Variants in SLC9B1 observed in about 807,000 individuals in gnomAD.
SLC9B1 encodes solute carrier family 9 member B1, also known as sodium/hydrogen exchanger 9B1.
SLC9B1 carries 32 observed loss-of-function variants against 51.7 expected under a neutral mutation model. The observed-to-expected ratio is 0.62, with a 90% CI of 0.47 to 0.83. The LOEUF is 0.83. SLC9B1 is among the 40% of genes least tolerant of loss of function. The pLI is 0.00. For missense variants in SLC9B1, 406 were observed against 613.2 expected (o/e 0.66, Z 3.57); for synonymous variants, 145 against 212.7 (o/e 0.68, Z 2.77).
intron 5 of SLC9B1, among the ~76,000 whole-genome samples, chr4:102,945,920 A>G (rs1349839179): frequency 4.6e-5 from 7 of 152,114 alleles, no homozygotes; most frequent in Admixed American, 4.6e-4. Flanking sequence ...GGGATTTATG[A>G]TCCCTAGAAT....
At chr4:102,945,921 T>C (rs1240864276) in intron 5 of SLC9B1, among the ~76,000 whole-genome samples, 2 of 152,074 alleles carry the variant, frequency 1.3e-5, no homozygotes, top group East Asian at 1.9e-4. Flanking sequence ...GGATTTATGA[T>C]CCCTAGAATG....
chr4:103,005,333 A>C (rs1158499793), intron 1 of SLC9B1, among the ~76,000 whole-genome samples: 2 of 152,198 alleles, frequency 1.3e-5, no homozygotes, highest in African/African-American at 4.8e-5. Context: ...CTTTAAACAA[A>C]CAGTGATGAA....
intron 1 of SLC9B1, among the ~76,000 whole-genome samples, chr4:102,992,462 A>G (rs992913731): frequency 6.6e-6 from 1 of 152,178 alleles, no homozygotes; most frequent in African/African-American, 2.4e-5. Flanking sequence ...TGCTTCAAGT[A>G]TCTATACTTT....
intron 9 of SLC9B1, among the ~76,000 whole-genome samples, chr4:102,908,858 A>G (rs1354525972): frequency 2.6e-5 from 4 of 152,192 alleles, no homozygotes; most frequent in Non-Finnish European, 5.9e-5. Flanking sequence ...TAAATTAGAA[A>G]CAAAAAAATA....
At chr4:102,886,399 G>A (rs1733918217) in intron 11 of SLC9B1, among the ~76,000 whole-genome samples, 1 of 151,830 alleles carries the variant, frequency 6.6e-6, no homozygotes. Context: ...GCTGAGGCAG[G>A]AAAATCACTT....
intron 3 of SLC9B1, among the ~76,000 whole-genome samples, chr4:102,951,411 T>C (rs1235854843): frequency 6.6e-6 from 1 of 152,120 alleles, no homozygotes; most frequent in Non-Finnish European, 1.5e-5. Context: ...AAGAATGGGA[T>C]TAGATGTCTG....
chr4:103,016,134 C>CAA (rs61227731), intron 1 of SLC9B1, among the ~76,000 whole-genome samples: 23 of 49,624 alleles, frequency 4.6e-4, no homozygotes, highest in Admixed American at 1.7e-3. Context: ...AACTCTGTCT[C>CAA]AAAAAAAAAA....
intron 1 of SLC9B1, among the ~76,000 whole-genome samples, chr4:103,003,477 T>C (rs1200031514): frequency 1.3e-5 from 2 of 152,240 alleles, no homozygotes; most frequent in Non-Finnish European, 2.9e-5. Context: ...CTGCTATAAA[T>C]ATCTTAAACT....
intron 11 of SLC9B1, among the ~76,000 whole-genome samples, chr4:102,904,204 C>A (rs766008098): frequency 6.6e-6 from 1 of 151,522 alleles, no homozygotes; most frequent in Non-Finnish European, 1.5e-5. Context: ...ACTACAAGTG[C>A]GTGCCAACAC....
At chr4:102,962,223 C>A (rs1386287653) in intron 3 of SLC9B1, 4 of 535,458 alleles carry the variant, frequency 7.5e-6, no homozygotes, top group African/African-American at 1.9e-5. Flanking sequence ...GTTGACAAAG[C>A]CCAAAGGAGA....
chr4:102,929,271 G>T (rs1196955929), intron 7 of SLC9B1, among the ~76,000 whole-genome samples: 1 of 152,220 alleles, frequency 6.6e-6, no homozygotes, highest in Non-Finnish European at 1.5e-5. Context: ...TTGGGAGGCA[G>T]TGGAGAAGAG....
At chr4:102,943,489 GTATA>G (rs889258236) in intron 6 of SLC9B1, among the ~76,000 whole-genome samples, 2 of 115,548 alleles carry the variant, frequency 1.7e-5, no homozygotes, top group Non-Finnish European at 3.7e-5. Flanking sequence ...GTATCTATGT[GTATA>G]TATGTGTATG....
intron 1 of SLC9B1, among the ~76,000 whole-genome samples, chr4:103,004,528 A>G (rs896645218): frequency 6.6e-6 from 1 of 152,206 alleles, no homozygotes; most frequent in Non-Finnish European, 1.5e-5. Flanking sequence ...TCATCCATGA[A>G]AATTTCCCCA....
intron 3 of SLC9B1, among the ~76,000 whole-genome samples, chr4:102,965,540 A>G (rs557583165): frequency 1.2e-4 from 19 of 152,290 alleles, no homozygotes; most frequent in East Asian, 9.7e-4. Context: ...CCATGACCCA[A>G]GCATCTCCCA....
intron 1 of SLC9B1, among the ~76,000 whole-genome samples, chr4:103,013,776 G>A (rs748585375): frequency 2.0e-5 from 3 of 152,104 alleles, no homozygotes; most frequent in African/African-American, 4.8e-5. Flanking sequence ...ATTCTTTCTC[G>A]CTGCTTTTCT....
In SLC9B1 at chr4:102,946,757, C is replaced by G; in HGVS notation, c.415G>C (p.Val139Leu). The G allele has an allele frequency of 6.2e-7, 1 of 1,602,972 alleles. No homozygotes were observed. The change falls in exon 5 of 12, where the codon GTT (valine) becomes CTT (leucine). Residue 139 changes from valine (V) to leucine (L), a missense_variant. This residue lies in a region of SLC9B1 where 250 missense variants were observed against 394.1 expected (regional missense o/e 0.63). Coordinates refer to ENST00000296422, the MANE Select transcript of SLC9B1 (RefSeq NM_139173.4). ...MLLAGFTIRN[V>L]PFINEHVHVP... ...TGGACATGTTCATTGATGAATGGAA[C>G]ATTCCTAATCGTAAAACCAGCCAGT...
intron 9 of SLC9B1, among the ~76,000 whole-genome samples, chr4:102,909,351 C>T (rs1735222622): frequency 6.6e-6 from 1 of 151,872 alleles, no homozygotes; most frequent in Admixed American, 6.6e-5. Flanking sequence ...ACCTGCAATC[C>T]CAACATTTTG....
In SLC9B1 at chr4:102,901,231, C is replaced by T. The variant is rs747653719; in HGVS notation, c.1434G>A (p.Leu478=). The T allele has an allele frequency of 2.5e-6, 4 of 1,611,978 alleles. No individual in the cohort carries two copies. In the African/African-American group the frequency reaches 5.3e-5, roughly 22 times the overall value. Residue 478 remains leucine (L), a synonymous_variant, in exon 12 of 12, where the codon TTG becomes TTA. Coordinates refer to ENST00000296422, the MANE Select transcript of SLC9B1 (RefSeq NM_139173.4). ...DVMTVAFLAI[L]ITAPNGALLM... ...GTAGAGCTCCATTTGGAGCTGTGAT[C>T]AAGATGGCTAAAAATGCTACTGTCA...
intron 3 of SLC9B1, among the ~76,000 whole-genome samples, chr4:102,971,962 AC>A (rs529640701): frequency 7.4e-4 from 112 of 152,180 alleles, no homozygotes; most frequent in Non-Finnish European, 1.3e-3. Flanking sequence ...CCCTGAATAG[AC>A]CCATTAACAG....
Sources: gnomAD v4.1 joint callset for allele counts (sites outside exome capture counted in the v4.1 genomes callset) on GRCh38, gnomAD v4.1.1 for gene constraint, gnomAD v4.1.1 regional missense constraint, MANE v1.5 for transcripts, NCBI Gene and HGNC (gene_info 2026-07-23, HGNC 2026-07-21) for gene names.